The following CYP4X1 variants were observed in gnomAD, a reference collection of about 807,000 sequenced individuals.
CYP4X1 encodes the protein cytochrome P450 family 4 subfamily X member 1.
In CYP4X1, 44 loss-of-function variants were observed where a neutral mutation model predicts 57.9. The observed-to-expected ratio is 0.76, with a 90% CI of 0.60 to 0.98. The LOEUF (loss-of-function observed/expected upper bound fraction) is 0.98, where lower values mean the gene tolerates loss of function less well. Among genes scored for constraint, CYP4X1 ranks in the 50% least tolerant of loss-of-function variants. The pLI is 0.00. For synonymous variants in CYP4X1, 227 were observed against 228.6 expected (o/e 0.99, Z 0.06); for missense variants, 532 against 623.9 (o/e 0.85, Z 1.57).
At position 47,030,045 on chromosome 1, in the gene CYP4X1, G is replaced by A. The variant is rs182887712; in HGVS notation, c.233G>A (p.Arg78His). The A allele has an allele frequency of 3.3e-5, 53 of 1,614,018 alleles. No individual in the cohort carries two copies. Among genetic ancestry groups the A allele is most frequent in the Middle Eastern group, 3.3e-4 (2 of 6,062 alleles). ...GAGGAAATTATTGAAAAATACCCTCGTGCCTTCCCTTTCTGGATTGGGCCC... is the reference window on the plus strand; with the variant it reads ...GAGGAAATTATTGAAAAATACCCTCATGCCTTCCCTTTCTGGATTGGGCCC... ...KLEEIIEKYP[R>H]AFPFWIGPFQ... The change falls in exon 2 of 12, where the codon CGT (arginine) becomes CAT (histidine). Residue 78 changes from arginine to histidine, a missense_variant. Transcript: ENST00000371901.
At chr1:47,000,043 A>C in the CYP4X1 span, among the ~76,000 whole-genome samples, 1 of 152,106 alleles carries the variant, frequency 6.6e-6, no homozygotes, top group Non-Finnish European at 1.5e-5. Context: ...CCCCTACTCA[A>C]ATCTCATCTT....
At chr1:46,973,235 G>T in the CYP4X1 span, among the ~76,000 whole-genome samples, 1 of 151,934 alleles carries the variant, frequency 6.6e-6, no homozygotes, top group African/African-American at 2.4e-5. Context: ...ACATTTAATG[G>T]TTTGTATGTA....
the CYP4X1 span, among the ~76,000 whole-genome samples, chr1:46,974,016 G>T: frequency 9.9e-5 from 15 of 151,974 alleles, no homozygotes; most frequent in African/African-American, 3.6e-4. Context: ...ATGTTAGGTT[G>T]GTAATTTCAG....
chr1:47,012,008 T>G, the CYP4X1 span, among the ~76,000 whole-genome samples: 2 of 152,338 alleles, frequency 1.3e-5, no homozygotes, highest in South Asian at 4.1e-4. Flanking sequence ...TGGCGATTCC[T>G]CAAGGATCTA....
At chr1:46,975,987 G>T in the CYP4X1 span, among the ~76,000 whole-genome samples, 1 of 152,068 alleles carries the variant, frequency 6.6e-6, no homozygotes, top group Non-Finnish European at 1.5e-5. Context: ...ATTCCAAGAT[G>T]GCTAAATAGT....
At chr1:46,986,210 C>T in the CYP4X1 span, among the ~76,000 whole-genome samples, 44 of 151,748 alleles carry the variant, frequency 2.9e-4, 1 homozygote, top group Admixed American at 2.9e-3. Flanking sequence ...AGCAAAAGAA[C>T]TTCATGAAGC....
chr1:47,047,677 C>T (rs1644316965), intron 9 of CYP4X1, among the ~76,000 whole-genome samples: 1 of 152,186 alleles, frequency 6.6e-6, no homozygotes, highest in Non-Finnish European at 1.5e-5. Context: ...TCTCGGCTCA[C>T]TGCAACCTCT....
At chr1:47,030,265 G>A in intron 2 of CYP4X1, 134 bp downstream of exon 2, 1 of 1,127,712 alleles carries the variant, frequency 8.9e-7, no homozygotes, top group Non-Finnish European at 1.2e-6. Context: ...GGAGGTGACA[G>A]GTTTCCTACC....
the CYP4X1 span, among the ~76,000 whole-genome samples, chr1:46,969,405 C>T: frequency 2.6e-5 from 4 of 152,096 alleles, no homozygotes; most frequent in African/African-American, 7.2e-5. Flanking sequence ...TAATGGAACT[C>T]GTCCTGTCCT....
At chr1:47,042,039 C>T (rs1269407651) in intron 8 of CYP4X1, among the ~76,000 whole-genome samples, 1 of 152,034 alleles carries the variant, frequency 6.6e-6, no homozygotes, top group Non-Finnish European at 1.5e-5. Context: ...AGATACTGCC[C>T]TTTCACCACT....
At chr1:46,965,065 G>T in the CYP4X1 span, among the ~76,000 whole-genome samples, 1 of 152,202 alleles carries the variant, frequency 6.6e-6, no homozygotes, top group Non-Finnish European at 1.5e-5. Context: ...CTCCTGGTGT[G>T]CCATTTGCTA....
chr1:47,032,015 A>C lies in CYP4X1; in HGVS notation c.364+535A>C, dbSNP rs1332774182. Among the ~76,000 whole-genome samples, 3 of 151,952 alleles carry C rather than the reference A, an allele frequency of 2.0e-5. No individual in the cohort carries two copies. The East Asian group carries it at 5.8e-4, about 29-fold the overall frequency. On this transcript the variant is annotated intron_variant, in intron 3 of 11. Transcript: ENST00000371901. The stretch of plus-strand genomic sequence containing the variant: ...CTCAGATTGTGCCACTGCACTCCAG[A>C]CTAGGTGACAGAGCAAAACTCTGTC...
chr1:47,016,372 T>C, the CYP4X1 span, among the ~76,000 whole-genome samples: 18 of 151,982 alleles, frequency 1.2e-4, no homozygotes, highest in East Asian at 7.7e-4. Context: ...GATGGAGTCT[T>C]GCTCTGTTGC....
the CYP4X1 span, among the ~76,000 whole-genome samples, chr1:47,004,827 T>C: frequency 1.3e-5 from 2 of 152,194 alleles, no homozygotes; most frequent in Non-Finnish European, 2.9e-5. Context: ...AATGTGCACA[T>C]GTTTCAGATT....
At chr1:47,043,564 C>T (rs1474187392) in intron 8 of CYP4X1, among the ~76,000 whole-genome samples, 2 of 152,044 alleles carry the variant, frequency 1.3e-5, no homozygotes, top group South Asian at 2.1e-4. Context: ...AAGTCTTTGC[C>T]TAAGCCAATA....
the CYP4X1 span, among the ~76,000 whole-genome samples, chr1:46,972,410 T>C: frequency 6.6e-6 from 1 of 152,210 alleles, no homozygotes; most frequent in African/African-American, 2.4e-5. Flanking sequence ...AGGATATCTT[T>C]GGCTACTGGG....
chr1:46,993,775 T>C, the CYP4X1 span, among the ~76,000 whole-genome samples: 1 of 150,264 alleles, frequency 6.7e-6, no homozygotes, highest in African/African-American at 2.4e-5. Context: ...TTTGATGGGG[T>C]TGTTTGTTTT....
At chr1:47,011,615 A>G in the CYP4X1 span, among the ~76,000 whole-genome samples, 1 of 152,240 alleles carries the variant, frequency 6.6e-6, no homozygotes, top group African/African-American at 2.4e-5. Flanking sequence ...ATCAGACTGA[A>G]CAGGCAACCT....
At chr1:46,981,066 G>A in the CYP4X1 span, among the ~76,000 whole-genome samples, 2 of 152,046 alleles carry the variant, frequency 1.3e-5, no homozygotes, top group African/African-American at 4.8e-5. Flanking sequence ...CAGAACATAG[G>A]CACGGGTAAG....
Sources: gnomAD v4.1 joint callset for allele counts (sites outside exome capture counted in the v4.1 genomes callset) on GRCh38, gnomAD v4.1.1 for gene constraint, MANE v1.5 for transcripts, NCBI Gene and HGNC (gene_info 2026-07-23, HGNC 2026-07-21) for gene names.